Variants in SEL1L observed in about 807,000 individuals in gnomAD.
SEL1L encodes SEL1L adaptor subunit of SYVN1 ubiquitin ligase.
SEL1L carries 52 observed loss-of-function variants against 109.8 expected under a neutral mutation model. The ratio of observed to expected loss-of-function variants is 0.47; its 90% confidence interval spans 0.38 to 0.60. SEL1L has a LOEUF of 0.60. Ranked by LOEUF, SEL1L falls within the 20% of genes least tolerant of loss-of-function variation. The pLI is 0.00. For missense variants in SEL1L, 749 were observed against 962.2 expected, an observed-to-expected ratio of 0.78 and a Z score of 2.93; for synonymous variants, 373 against 339.6, an observed-to-expected ratio of 1.10 and a Z score of -1.08.
intron 3 of SEL1L, among the ~76,000 whole-genome samples, chr14:81,509,183 A>G (rs1456830646): frequency 1.3e-5 from 2 of 152,240 alleles, no homozygotes; most frequent in East Asian, 3.8e-4. Flanking sequence ...TCTAGTTTCA[A>G]ATCGATTATC....
intron 8 of SEL1L, 65 bp from the exon 9 acceptor site, chr14:81,498,559 C>T (rs1883876543): frequency 8.0e-7 from 1 of 1,247,056 alleles, no homozygotes; most frequent in Non-Finnish European, 1.2e-6. Context: ...CTTCGTGGAA[C>T]AAATAAAGCT....
intron 3 of SEL1L, 59 bp downstream of exon 3, chr14:81,526,674 C>T: frequency 7.7e-7 from 1 of 1,300,114 alleles, no homozygotes; most frequent in Non-Finnish European, 1.1e-6. Context: ...TATTCATTAG[C>T]TTAAAATTTT....
intron 20 of SEL1L, among the ~76,000 whole-genome samples, chr14:81,477,673 C>G (rs559584220): frequency 4.6e-5 from 7 of 152,206 alleles, no homozygotes; most frequent in African/African-American, 1.7e-4. Flanking sequence ...ATTAACCAGG[C>G]ATGGTGGCGG....
At chr14:81,491,450 G>A (rs1013258288) in intron 12 of SEL1L, among the ~76,000 whole-genome samples, 1 of 152,088 alleles carries the variant, frequency 6.6e-6, no homozygotes, top group Non-Finnish European at 1.5e-5. Flanking sequence ...CAAAAGAGGA[G>A]GAATGAAACG....
rs753028268 is a variant in SEL1L, at chr14:81,527,698, T to C, written c.108+3A>G. The stretch of plus-strand genomic sequence containing the variant: ...ACTGGCCAATACACATTTTAGTACA[T>C]ACCTTGGAATCTAAGGATTCATCCT... On this transcript the variant is annotated splice_donor_region_variant and intron_variant, in intron 2 of 20. Coordinates refer to ENST00000336735, the MANE Select transcript of SEL1L (RefSeq NM_005065.6). 2 of 1,600,070 alleles carry C rather than the reference T, an allele frequency of 1.2e-6. No homozygotes were observed. Among genetic ancestry groups the C allele is most frequent in the Admixed American group, 1.7e-5 (1 of 58,282 alleles).
At chr14:81,521,947 G>A (rs1030232642) in intron 3 of SEL1L, among the ~76,000 whole-genome samples, 1 of 152,102 alleles carries the variant, frequency 6.6e-6, no homozygotes, top group African/African-American at 2.4e-5. Context: ...TGATATTGAT[G>A]ATCCTGACCC....
rs562772998 is a variant in SEL1L, at chr14:81,475,623, A to C, written c.*1349T>G. 8 of 152,336 alleles carry C rather than the reference A, an allele frequency of 5.3e-5. No homozygotes were observed. The highest frequency in any genetic ancestry group is 1.4e-4 in the African/African-American group (6 of 41,590). The allele number at this position is 152,336 out of a possible 1,614,324, so 9.4% of individuals were successfully genotyped here. ...TCTCAGACAAGATACAGGCTGGTGA[A>C]CACCACCATCTGACAATAAAATGAA... On this transcript the variant is annotated 3_prime_UTR_variant, in exon 21 of 21. Coordinates refer to ENST00000336735, the MANE Select transcript of SEL1L (RefSeq NM_005065.6).
intron 19 of SEL1L, among the ~76,000 whole-genome samples, chr14:81,482,310 T>C (rs567927939): frequency 2.0e-5 from 3 of 152,328 alleles, no homozygotes; most frequent in Non-Finnish European, 4.4e-5. Context: ...CAGTAAATTA[T>C]TACTAGATGT....
chr14:81,477,302 A>ACTGTGTGTGT, intron 20 of SEL1L, 121 bp from the exon 21 acceptor site: 10 of 403,964 alleles, frequency 2.5e-5, no homozygotes, highest in East Asian at 5.2e-5. Context: ...AACGTTTTGC[A>ACTGTGTGTGT]ATGTGTGTGT....
intron 3 of SEL1L, among the ~76,000 whole-genome samples, chr14:81,517,744 T>C (rs1402668878): frequency 2.0e-5 from 3 of 152,252 alleles, no homozygotes; most frequent in Non-Finnish European, 4.4e-5. Flanking sequence ...CCTGTAATTT[T>C]GTAAATACCA....
chr14:81,533,838 C>A lies in SEL1L; in HGVS notation c.-94G>T, dbSNP rs1712859144. The A allele has an allele frequency of 4.7e-6, 6 of 1,280,628 alleles. No individual in the cohort carries two copies. The highest frequency in any genetic ancestry group is 6.7e-6 in the Non-Finnish European group (6 of 901,020). The allele number at this position is 1,280,628 out of a possible 1,614,324, so 79.3% of individuals were successfully genotyped here. A position where few individuals can be genotyped will look rare whatever the true frequency, so the allele number is the denominator to read the frequency against. On this transcript the variant is annotated 5_prime_UTR_variant, in exon 1 of 21. Transcript: ENST00000336735. ...CCACCGCCGCCTCGCCGCTGCTCTT[C>A]CTGCTCTAGTCTCCTTCCTCCGCCC...
In SEL1L at chr14:81,476,876, G is replaced by C; in HGVS notation, c.*96C>G. On this transcript the variant is annotated 3_prime_UTR_variant, in exon 21 of 21. Transcript: ENST00000336735. ...CTTCCTTGTGCCGTGCCTCTTCTGGGAGGTGACCACTGATCCAAGGTCCTA... is the reference window on the plus strand; with the variant it reads ...CTTCCTTGTGCCGTGCCTCTTCTGGCAGGTGACCACTGATCCAAGGTCCTA... The C allele has an allele frequency of 8.1e-7, 1 of 1,228,786 alleles. No individual in the cohort carries two copies. Among genetic ancestry groups the C allele is most frequent in the South Asian group, 1.4e-5 (1 of 72,514 alleles). 76.1% of individuals were successfully genotyped at this position (1,228,786 alleles called of 1,614,324 possible).
In SEL1L at chr14:81,487,545, GA is replaced by G. The variant is rs200414085; in HGVS notation, c.1484-8del. The G allele has an allele frequency of 4.4e-3, 5,393 of 1,214,218 alleles. 2 individuals are homozygous for G. Among genetic ancestry groups the G allele is most frequent in the Admixed American group, 0.012 (474 of 40,768 alleles). The allele number at this position is 1,214,218 out of a possible 1,614,324, so 75.2% of individuals were successfully genotyped here. ...CTCTTGACTCCAATGCCATCTGTAA[GA>G]AAAAAAAAAATCACACGAGATAATA... On this transcript the variant is annotated splice_region_variant and splice_polypyrimidine_tract_variant and intron_variant, in intron 15 of 20. Coordinates refer to ENST00000336735, the MANE Select transcript of SEL1L (RefSeq NM_005065.6).
chr14:81,496,917 C>T (rs577233796), intron 10 of SEL1L, among the ~76,000 whole-genome samples: 9 of 152,070 alleles, frequency 5.9e-5, no homozygotes, highest in Non-Finnish European at 1.3e-4. Flanking sequence ...TCGTACCAGA[C>T]TTTGGTAAGT....
At chr14:81,477,303 ATGTGTGTGTGTG>A (rs10690579) in intron 20 of SEL1L, 122 bp from the exon 21 acceptor site, 9 of 541,396 alleles carry the variant, frequency 1.7e-5, no homozygotes, top group African/African-American at 3.9e-5. Flanking sequence ...ACGTTTTGCA[ATGTGTGTGTGTG>A]TGTGTGTGTG....
At position 81,487,634 on chromosome 14, in the gene SEL1L, G is replaced by T. The variant is rs1191157650; in HGVS notation, c.1484-96C>A. On this transcript the variant is annotated intron_variant, in intron 15 of 20. Transcript: ENST00000336735. ...TATGAAGAATAAAACTCTAATGAAA[G>T]AATTCTTACTGAGTAAATATGTGAA... The T allele has an allele frequency of 3.3e-6, 5 of 1,523,978 alleles. No homozygotes were observed. In the African/African-American group the frequency reaches 5.6e-5, roughly 17 times the overall value. 94.4% of individuals were successfully genotyped at this position (1,523,978 alleles called of 1,614,324 possible). A position where few individuals can be genotyped will look rare whatever the true frequency, so the allele number is the denominator to read the frequency against.
intron 3 of SEL1L, among the ~76,000 whole-genome samples, chr14:81,517,767 T>C (rs1217035729): frequency 4.6e-5 from 7 of 152,228 alleles, no homozygotes. Flanking sequence ...GGAATAATCC[T>C]GATCAGGGGA....
Position 81,499,671 on chromosome 14 carries a change from G to C in SEL1L, c.778-9C>G. The C allele has an allele frequency of 6.3e-7, 1 of 1,599,690 alleles. No homozygotes were observed. Among genetic ancestry groups the C allele is most frequent in the East Asian group, 2.2e-5 (1 of 44,764 alleles). On this transcript the variant is annotated splice_polypyrimidine_tract_variant and intron_variant, in intron 6 of 20. Coordinates refer to ENST00000336735, the MANE Select transcript of SEL1L (RefSeq NM_005065.6). ...TACAGAAAGCCAAGAGCCTGAAATAGATGATAAAAGTAAGAAATCTTGCTT... is the reference window on the plus strand; with the variant it reads ...TACAGAAAGCCAAGAGCCTGAAATACATGATAAAAGTAAGAAATCTTGCTT...
rs1260293735 is a variant in SEL1L at position 81,495,589 on chromosome 14, G to A, written c.1129-452C>T. On this transcript the variant is annotated intron_variant, in intron 10 of 20. Coordinates refer to ENST00000336735, the MANE Select transcript of SEL1L (RefSeq NM_005065.6). ...AGAGGTCGAGGCTGCAGTGAGCTGT[G>A]ATTGTGCTGCTGCACTCCAGCCTGG... is the stretch of plus-strand genomic sequence containing the variant. 2.0e-5 allele frequency among the ~76,000 whole-genome samples: 3 copies of A among 152,284 alleles called. No homozygotes were observed. In the East Asian group the frequency reaches 5.8e-4, roughly 29 times the overall value.
Sources: gnomAD v4.1 joint callset for allele counts (sites outside exome capture counted in the v4.1 genomes callset) on GRCh38, gnomAD v4.1.1 for gene constraint, MANE v1.5 for transcripts, NCBI Gene and HGNC (gene_info 2026-07-23, HGNC 2026-07-21) for gene names.